RP1: variants seen among roughly 807,000 people sequenced by gnomAD.
The protein encoded by RP1 is RP1 axonemal microtubule associated, also known as oxygen-regulated protein 1.
A neutral mutation model predicts 14.8 loss-of-function variants in RP1; 16 were observed. That is an observed-to-expected ratio of 1.08 (90% CI 0.73 to 1.65). The LOEUF (loss-of-function observed/expected upper bound fraction) is 1.65, where lower values mean the gene tolerates loss of function less well. RP1 is among the 40% of genes most tolerant of loss of function. The pLI is 0.00. For missense variants in RP1, 2,631 were observed against 2,535.0 expected, an observed-to-expected ratio of 1.04 and a Z score of -0.81; for synonymous variants, 876 against 883.6, an observed-to-expected ratio of 0.99 and a Z score of 0.15.
intron 27 of RP1, among the ~76,000 whole-genome samples, chr8:54,857,304 T>G (rs1205944076): frequency 1.4e-5 from 2 of 147,616 alleles, no homozygotes; most frequent in East Asian, 3.9e-4. Context: ...ATAATTATAT[T>G]TATATACTAT....
At chr8:54,776,940 G>C (rs1810055133) in intron 23 of RP1, among the ~76,000 whole-genome samples, 1 of 152,192 alleles carries the variant, frequency 6.6e-6, no homozygotes, top group African/African-American at 2.4e-5. Context: ...CTCACATGCG[G>C]GTGTTGAGTG....
At chr8:54,870,448 T>C (rs1346117357) in exon 29 of RP1, 2 of 152,080 alleles carry the variant, frequency 1.3e-5, no homozygotes, top group Non-Finnish European at 1.5e-5. Flanking sequence ...TCAGAATTAG[T>C]GGTAAAATCA....
In RP1 at chr8:54,621,385, AC is replaced by A; in HGVS notation, c.423del (p.Val142Ter). The A allele has an allele frequency of 6.2e-7, 1 of 1,611,280 alleles. No individual in the cohort carries two copies. The highest frequency in any genetic ancestry group is 8.5e-7 in the Non-Finnish European group (1 of 1,179,462). On this transcript the variant is annotated frameshift_variant, in exon 2 of 4. Coordinates refer to ENST00000220676, the MANE Select transcript of RP1 (RefSeq NM_006269.2). LOFTEE classifies it high-confidence loss of function. ...SRAISAHSPPHPVAVAAPGMP... is the reference protein window; with the variant it reads ...SRAISAHSPPXPVAVAAPGMP... ...GCCATTAGCGCGCACTCACCGCCCC[AC>A]CCCGTAGCCGTCGCTGCTCCCGGCA...
rs1805710872 is a variant in RP1, at chr8:54,616,173, T to C, written c.-42T>C. On this transcript the variant is annotated 5_prime_UTR_variant, in exon 1 of 4. Coordinates refer to ENST00000220676, the MANE Select transcript of RP1 (RefSeq NM_006269.2). ...TTTAAACAACTTAAACATCTTTTTC[T>C]TTTCTTAATAAGGGACGTTTCAAGT... 1 of 152,250 alleles carries C rather than the reference T, an allele frequency of 6.6e-6. No homozygotes were observed. 9.4% of individuals were successfully genotyped at this position (152,250 alleles called of 1,614,324 possible).
chr8:54,812,214 C>T (rs958951171), intron 24 of RP1, among the ~76,000 whole-genome samples: 2 of 151,474 alleles, frequency 1.3e-5, no homozygotes, highest in African/African-American at 4.9e-5. Flanking sequence ...GATCTCGGCC[C>T]ACTGCAACTT....
At chr8:54,599,585 A>T (rs1254584516) in intron 1 of RP1, among the ~76,000 whole-genome samples, 1 of 151,854 alleles carries the variant, frequency 6.6e-6, no homozygotes, top group Non-Finnish European at 1.5e-5. Flanking sequence ...CAGCCTCCCG[A>T]GTAGGCTACA....
At chr8:54,570,092 T>C (rs1193995515) in intron 1 of RP1, among the ~76,000 whole-genome samples, 8 of 152,246 alleles carry the variant, frequency 5.3e-5, no homozygotes, top group African/African-American at 1.7e-4. Context: ...ACTCTGCGTG[T>C]TCCTTTGAAC....
chr8:54,752,377 A>G (rs987439762), intron 19 of RP1, among the ~76,000 whole-genome samples: 3 of 152,176 alleles, frequency 2.0e-5, no homozygotes, highest in Non-Finnish European at 4.4e-5. Flanking sequence ...CAAGGAATAA[A>G]TGTTTGCAAA....
rs1324546281 is a variant in RP1, at chr8:54,741,703, GTGTGTATA to G, written c.2808+2676_2808+2683del. ...AATATGTACATATAAATACAAATGT[GTGTGTATA>G]TATATATATATATATATATATATAT... On this transcript the variant is annotated intron_variant, in intron 19 of 22. Coordinates refer to the RP1 transcript ENST00000636932. Among the ~76,000 whole-genome samples, 305 of 87,738 alleles carry G rather than the reference GTGTGTATA, an allele frequency of 3.5e-3. 3 individuals are homozygous for G. Among genetic ancestry groups the G allele is most frequent in the African/African-American group, 0.017 (290 of 16,730 alleles). 57.6% of individuals were successfully genotyped at this position (87,738 alleles called of 152,430 possible). A position where few individuals can be genotyped will look rare whatever the true frequency, so the allele number is the denominator to read the frequency against.
rs1421890989 is a variant in RP1, at chr8:54,866,047, C to T, written c.4151+131C>T. The T allele has an allele frequency of 1.5e-5, 6 of 397,606 alleles. No homozygotes were observed. The South Asian group carries it at 7.0e-4, about 46-fold the overall frequency. 24.6% of individuals were successfully genotyped at this position (397,606 alleles called of 1,614,324 possible). A position where few individuals can be genotyped will look rare whatever the true frequency, so the allele number is the denominator to read the frequency against. Reference sequence around the variant, plus strand: ...CCTCCCTGAAAACCAGAGCTGAAGGCCTTCTCTCCTCAAGAAGCTGTCCTT... The same window carrying T: ...CCTCCCTGAAAACCAGAGCTGAAGGTCTTCTCTCCTCAAGAAGCTGTCCTT... On this transcript the variant is annotated intron_variant, in intron 28 of 28. Coordinates refer to the RP1 transcript ENST00000637698.
intron 16 of RP1, among the ~76,000 whole-genome samples, chr8:54,720,716 A>T (rs1418065998): frequency 5.3e-5 from 8 of 152,216 alleles, no homozygotes; most frequent in Non-Finnish European, 2.9e-5. Flanking sequence ...AGATCAACAC[A>T]ATTGGGATTT....
chr8:54,588,821 G>C (rs1363829030), intron 1 of RP1, among the ~76,000 whole-genome samples: 1 of 152,140 alleles, frequency 6.6e-6, no homozygotes, highest in African/African-American at 2.4e-5. Context: ...AAGTGAAAGG[G>C]AATTAAACAA....
chr8:54,617,391 C>G (rs1255417028), intron 1 of RP1, among the ~76,000 whole-genome samples: 1 of 152,202 alleles, frequency 6.6e-6, no homozygotes, highest in Non-Finnish European at 1.5e-5. Context: ...TGCTAAATTT[C>G]CATGCAAATT....
intron 4 of RP1, chr8:54,652,659 A>C: frequency 1.5e-6 from 1 of 677,360 alleles, no homozygotes; most frequent in South Asian, 1.7e-5. Context: ...GCACATGTTT[A>C]TAATTCTTAT....
intron 7 of RP1, among the ~76,000 whole-genome samples, chr8:54,666,608 T>C (rs1807023213): frequency 6.6e-6 from 1 of 152,094 alleles, no homozygotes; most frequent in Non-Finnish European, 1.5e-5. Flanking sequence ...CACATGCCTA[T>C]TGAGGCTCTG....
At chr8:54,840,194 G>A (rs759713886) in intron 25 of RP1, among the ~76,000 whole-genome samples, 1 of 152,070 alleles carries the variant, frequency 6.6e-6, no homozygotes, top group Non-Finnish European at 1.5e-5. Flanking sequence ...AGAAACAGAA[G>A]AACTCTGATG....
chr8:54,590,676 A>C (rs1179047474), intron 1 of RP1, among the ~76,000 whole-genome samples: 1 of 152,050 alleles, frequency 6.6e-6, no homozygotes, highest in East Asian at 1.9e-4. Context: ...AATTATCTCC[A>C]GTTATGTAGT....
At chr8:54,658,282 T>C (rs1315935714) in intron 6 of RP1, among the ~76,000 whole-genome samples, 1 of 149,886 alleles carries the variant, frequency 6.7e-6, no homozygotes, top group Non-Finnish European at 1.5e-5. Flanking sequence ...CCGGGCGCGG[T>C]GGCTCACGCC....
At chr8:54,620,143 T>C (rs1032317263) in intron 1 of RP1, among the ~76,000 whole-genome samples, 1 of 152,232 alleles carries the variant, frequency 6.6e-6, no homozygotes, top group African/African-American at 2.4e-5. Flanking sequence ...AATCCAGAGA[T>C]AACCACCATC....
Sources: gnomAD v4.1 joint callset for allele counts (sites outside exome capture counted in the v4.1 genomes callset) on GRCh38, gnomAD v4.1.1 for gene constraint, MANE v1.5 for transcripts, NCBI Gene and HGNC (gene_info 2026-07-23, HGNC 2026-07-21) for gene names.